PPP2R1B: variants seen among roughly 807,000 people sequenced by gnomAD.
PPP2R1B encodes serine/threonine-protein phosphatase 2A 65 kDa regulatory subunit A beta isoform.
A neutral mutation model predicts 72.7 loss-of-function variants in PPP2R1B; 58 were observed. The ratio of observed to expected loss-of-function variants is 0.80; its 90% CI spans 0.65 to 0.99. The LOEUF is 0.99. PPP2R1B is among the 50% of genes least tolerant of loss of function. The probability of loss-of-function intolerance (pLI) is 0.00; values close to 1 mark genes in which losing one functional copy is unlikely to be tolerated. For missense variants in PPP2R1B, 695 were observed against 733.6 expected (o/e 0.95, Z 0.61); for synonymous variants, 256 against 264.6 (o/e 0.97, Z 0.32).
downstream of PPP2R1B, among the ~76,000 whole-genome samples, chr11:111,734,491 T>C (rs10891290): frequency 0.35 from 53,911 of 152,112 alleles, 10,167 homozygotes; most frequent in East Asian, 0.63. Context: ...AGTCTTTTTG[T>C]GCGGACAGCT....
rs11431567 is a variant in PPP2R1B at position 111,762,553 on chromosome 11, C to CTT, written c.307-1504_307-1503dup. On this transcript the variant is annotated intron_variant, in intron 3 of 14. Transcript: ENST00000527614. Reference sequence around the variant, plus strand: ...CTCAACACTTCACACTCCAGCAGTTCTTTTTTTTTTTTTTTTTTAAGAGAC... The same window carrying CTT: ...CTCAACACTTCACACTCCAGCAGTTCTTTTTTTTTTTTTTTTTTTTAAGAGAC... Among the ~76,000 whole-genome samples, 397 of 136,146 alleles carry CTT rather than the reference C, an allele frequency of 2.9e-3. 4 individuals are homozygous for CTT. Among genetic ancestry groups the CTT allele is most frequent in the African/African-American group, 6.9e-3 (251 of 36,312 alleles). 89.3% of individuals were successfully genotyped at this position (136,146 alleles called of 152,430 possible).
the PPP2R1B span, among the ~76,000 whole-genome samples, chr11:111,713,297 A>G: frequency 2.6e-5 from 4 of 152,238 alleles, no homozygotes; most frequent in Non-Finnish European, 5.9e-5. Flanking sequence ...TATACTTAGC[A>G]TAAGCGATGT....
the PPP2R1B span, among the ~76,000 whole-genome samples, chr11:111,719,018 C>A: frequency 6.6e-6 from 1 of 152,146 alleles, no homozygotes; most frequent in East Asian, 1.9e-4. Flanking sequence ...GCTGCGCTCA[C>A]CCCTGTGGGA....
the PPP2R1B span, among the ~76,000 whole-genome samples, chr11:111,717,317 C>CA: frequency 0.28 from 13,645 of 49,438 alleles, 5,930 homozygotes; most frequent in Admixed American, 0.33. Flanking sequence ...GACTCCGTCT[C>CA]AAAAAAAAAA....
chr11:111,732,683 T>C (rs1226040161), intron 15 of PPP2R1B, among the ~76,000 whole-genome samples: 1 of 152,062 alleles, frequency 6.6e-6, no homozygotes, highest in Non-Finnish European at 1.5e-5. Flanking sequence ...ACAGCAAGAC[T>C]TCATCTCAAA....
chr11:111,755,516 G>T, intron 5 of PPP2R1B, 66 bp from the exon 6 acceptor site: 1 of 1,449,982 alleles, frequency 6.9e-7, no homozygotes, highest in Non-Finnish European at 9.2e-7. Flanking sequence ...CTGTGGGGTG[G>T]TGCAGGTGTT....
the PPP2R1B span, chr11:111,703,217 A>G: frequency 1.2e-5 from 19 of 1,614,126 alleles, 1 homozygote; most frequent in Admixed American, 1.2e-4. Flanking sequence ...CGAGCACCTT[A>G]TCCGAAGGAT....
At chr11:111,688,261 C>T in the PPP2R1B span, 44 of 1,197,786 alleles carry the variant, frequency 3.7e-5, 1 homozygote, top group South Asian at 5.2e-4. This position sits in a 1 kb window ranked among gnomAD's most constrained non-coding sequence, Gnocchi z 4.2. Context: ...AGCATTTCTA[C>T]CTGATGACAT....
chr11:111,749,126 T>C (rs1190478401), intron 10 of PPP2R1B, among the ~76,000 whole-genome samples: 3 of 152,088 alleles, frequency 2.0e-5, no homozygotes, highest in African/African-American at 7.2e-5. Flanking sequence ...ATTACAGGCA[T>C]GAGCCACCGC....
At chr11:111,693,696 G>A in the PPP2R1B span, among the ~76,000 whole-genome samples, 1 of 152,194 alleles carries the variant, frequency 6.6e-6, no homozygotes, top group Non-Finnish European at 1.5e-5. Context: ...TTGAGTAGCA[G>A]TGCTGGTGCA....
At chr11:111,703,261 A>T in the PPP2R1B span, 1 of 1,614,066 alleles carries the variant, frequency 6.2e-7, no homozygotes. Flanking sequence ...GGCTAACCAT[A>T]GCCCAAATCA....
chr11:111,749,155 T>C (rs1944810367), intron 10 of PPP2R1B, among the ~76,000 whole-genome samples: 1 of 151,990 alleles, frequency 6.6e-6, no homozygotes, highest in Non-Finnish European at 1.5e-5. Flanking sequence ...CAAAATTGCT[T>C]TGTACTAAAA....
chr11:111,747,679 T>G (rs527259200), intron 11 of PPP2R1B, among the ~76,000 whole-genome samples: 1 of 152,274 alleles, frequency 6.6e-6, no homozygotes, highest in East Asian at 1.9e-4. Flanking sequence ...GAGGAGTAAG[T>G]AGATATATAA....
At chr11:111,749,705 T>G (rs1944832722) in intron 10 of PPP2R1B, among the ~76,000 whole-genome samples, 1 of 152,138 alleles carries the variant, frequency 6.6e-6, no homozygotes, top group Non-Finnish European at 1.5e-5. Context: ...TATTTAGATA[T>G]GAAGAGAAAT....
At chr11:111,690,090 G>C in the PPP2R1B span, among the ~76,000 whole-genome samples, 1 of 151,804 alleles carries the variant, frequency 6.6e-6, no homozygotes, top group Non-Finnish European at 1.5e-5. Context: ...TACTTTCATA[G>C]TTTATGTCTG....
At chr11:111,724,289 T>G (rs1943900816), downstream of PPP2R1B, 6 of 1,042,892 alleles carry the variant, frequency 5.8e-6, no homozygotes, top group South Asian at 1.0e-4. Context: ...GGGTGGATGT[T>G]GCTTCCTCCT....
At position 111,727,396 on chromosome 11, in the gene PPP2R1B, C is replaced by A. The variant is rs1395321938; in HGVS notation, c.1912-339G>T. Reference sequence around the variant, plus strand: ...TATCAAGAACTCCCAAGTGTTTAAACCGTATGCTGGAGTCAGTGGTTGGGA... The same window carrying A: ...TATCAAGAACTCCCAAGTGTTTAAAACGTATGCTGGAGTCAGTGGTTGGGA... On this transcript the variant is annotated intron_variant, in intron 15 of 15. Coordinates refer to the PPP2R1B transcript ENST00000311129. 2.7e-5 allele frequency: 9 copies of A among 329,136 alleles called. No individual in the cohort carries two copies. In the East Asian group the frequency reaches 4.4e-4, roughly 16 times the overall value. 20.4% of individuals were successfully genotyped at this position (329,136 alleles called of 1,614,324 possible). A position where few individuals can be genotyped will look rare whatever the true frequency, so the allele number is the denominator to read the frequency against.
intron 5 of PPP2R1B, among the ~76,000 whole-genome samples, chr11:111,757,350 CTG>C (rs1314857332): frequency 6.6e-6 from 1 of 152,118 alleles, no homozygotes; most frequent in Non-Finnish European, 1.5e-5. Context: ...ATCTTAGAAA[CTG>C]TGTATCAACA....
At chr11:111,721,711 TTAA>T in the PPP2R1B span, 5 of 656,986 alleles carry the variant, frequency 7.6e-6, no homozygotes, top group Non-Finnish European at 1.3e-5. Context: ...GCTTTGAGTA[TTAA>T]TAAGTCTCAG....
Sources: gnomAD v4.1 joint callset for allele counts (sites outside exome capture counted in the v4.1 genomes callset) on GRCh38, gnomAD v4.1.1 for gene constraint, Gnocchi (gnomAD v3.1) non-coding constraint, MANE v1.5 for transcripts, NCBI Gene and HGNC (gene_info 2026-07-23, HGNC 2026-07-21) for gene names.